The following GRIN2A variants were observed in gnomAD, a reference collection of about 807,000 sequenced individuals.
The protein encoded by GRIN2A is glutamate ionotropic receptor NMDA type subunit 2A, also known as glutamate receptor ionotropic, NMDA 2A.
In GRIN2A, 22 loss-of-function variants were observed where a neutral mutation model predicts 113.4. That is an observed-to-expected ratio of 0.19 (90% confidence interval 0.14 to 0.28). GRIN2A has a LOEUF of 0.28. Among genes scored for constraint, GRIN2A ranks in the 10% least tolerant of loss-of-function variants. GRIN2A has a pLI of 1.00. For missense variants in GRIN2A, 1,502 were observed against 1,887.0 expected (o/e 0.80, Z 3.78); for synonymous variants, 827 against 738.4 (o/e 1.12, Z -1.94).
intron 2 of GRIN2A, among the ~76,000 whole-genome samples, chr16:10,060,401 A>T (rs2047531166): frequency 6.6e-6 from 1 of 152,200 alleles, no homozygotes; most frequent in African/African-American, 2.4e-5. Flanking sequence ...ATAGATAAGA[A>T]AATTAAGGCT....
intron 8 of GRIN2A, among the ~76,000 whole-genome samples, chr16:9,830,774 A>G (rs2042478157): frequency 2.0e-5 from 3 of 152,228 alleles, no homozygotes; most frequent in African/African-American, 7.2e-5. Flanking sequence ...GACACAACCC[A>G]TTAAAGAGAA....
chr16:9,968,033 T>C (rs2045589979), intron 2 of GRIN2A, among the ~76,000 whole-genome samples: 1 of 152,220 alleles, frequency 6.6e-6, no homozygotes, highest in Admixed American at 6.5e-5. Context: ...CCCCATCTAT[T>C]ATCTCACGTA....
At chr16:9,939,435 A>T (rs1336926746) in intron 2 of GRIN2A, among the ~76,000 whole-genome samples, 1 of 152,170 alleles carries the variant, frequency 6.6e-6, no homozygotes, top group East Asian at 1.9e-4. Flanking sequence ...AGAGTCACTG[A>T]ATGCTCTCAC....
intron 2 of GRIN2A, among the ~76,000 whole-genome samples, chr16:10,034,710 G>A (rs965380889): frequency 2.0e-5 from 3 of 152,100 alleles, no homozygotes; most frequent in Middle Eastern, 3.4e-3. Context: ...GAGACTTACT[G>A]GTCCTTGGCT....
intron 2 of GRIN2A, among the ~76,000 whole-genome samples, chr16:9,957,456 T>A (rs1000550098): frequency 2.6e-5 from 4 of 152,178 alleles, no homozygotes; most frequent in African/African-American, 9.7e-5. Flanking sequence ...GTGGTACCTT[T>A]AATAAACTTT....
chr16:9,954,588 C>T (rs1299079152), intron 2 of GRIN2A, among the ~76,000 whole-genome samples: 2 of 152,162 alleles, frequency 1.3e-5, no homozygotes, highest in African/African-American at 2.4e-5. Context: ...GAGTCCTTTT[C>T]TAAAGCTCAC....
At chr16:9,866,268 T>A (rs925685150) in intron 4 of GRIN2A, among the ~76,000 whole-genome samples, 3 of 152,100 alleles carry the variant, frequency 2.0e-5, no homozygotes, top group African/African-American at 7.2e-5. Context: ...AAGGAAGAAA[T>A]CATGAAGGAG....
At chr16:9,882,673 G>A (rs754833266) in intron 4 of GRIN2A, among the ~76,000 whole-genome samples, 1 of 152,132 alleles carries the variant, frequency 6.6e-6, no homozygotes, top group Non-Finnish European at 1.5e-5. Flanking sequence ...TGTGTCCCCA[G>A]CTACTTGGGA....
In GRIN2A at chr16:10,180,202, T is replaced by A; in HGVS notation, c.210A>T (p.Val70=). 6.2e-7 allele frequency: 1 copy of A among 1,614,152 alleles called. No individual in the cohort carries two copies. Among genetic ancestry groups the A allele is most frequent in the Non-Finnish European group, 8.5e-7 (1 of 1,180,038 alleles). ...GGTCGGTGCGGTTCATCAGCAGAGCTACCACGTTCACGTCCAGGGGCAGCC... is the reference window on the plus strand; with the variant it reads ...GGTCGGTGCGGTTCATCAGCAGAGCAACCACGTTCACGTCCAGGGGCAGCC... The part of the protein sequence containing the change: ...AAGLPLDVNV[V]ALLMNRTDPK... The change falls in exon 2 of 13, where the codon GTA becomes GTT. Residue 70 remains valine, a synonymous_variant. Coordinates refer to ENST00000330684, the MANE Select transcript of GRIN2A (RefSeq NM_001134407.3). This position sits in a 1 kb window ranked among gnomAD's most constrained non-coding sequence, Gnocchi z 7.0.
chr16:9,917,713 A>G (rs749533463), intron 3 of GRIN2A, among the ~76,000 whole-genome samples: 1 of 152,214 alleles, frequency 6.6e-6, no homozygotes, highest in East Asian at 1.9e-4. Context: ...CTTCCTTTGG[A>G]AAGACATGGT....
At chr16:10,033,411 A>T (rs888891713) in intron 2 of GRIN2A, among the ~76,000 whole-genome samples, 1 of 152,320 alleles carries the variant, frequency 6.6e-6, no homozygotes, top group Non-Finnish European at 1.5e-5. Context: ...CACTAAACAC[A>T]ACAACAAGCA....
intron 11 of GRIN2A, among the ~76,000 whole-genome samples, chr16:9,775,335 C>A (rs1381200333): frequency 6.6e-6 from 1 of 152,126 alleles, no homozygotes; most frequent in Non-Finnish European, 1.5e-5. Context: ...GAAGCTGTTG[C>A]TTTTTGGTTT....
At chr16:10,129,183 G>A (rs543476862) in intron 2 of GRIN2A, among the ~76,000 whole-genome samples, 22 of 151,936 alleles carry the variant, frequency 1.4e-4, no homozygotes, top group Non-Finnish European at 1.5e-4. Context: ...TCAAGTGATC[G>A]TCCTACCTCA....
At chr16:9,971,821 A>C (rs746980686) in intron 2 of GRIN2A, among the ~76,000 whole-genome samples, 4 of 152,208 alleles carry the variant, frequency 2.6e-5, no homozygotes, top group Non-Finnish European at 5.9e-5. Flanking sequence ...AAGGAAAAAA[A>C]AAATATACCT....
rs539786349 is a variant in GRIN2A, at chr16:9,948,867, C to A, written c.415-10316G>T. Among the ~76,000 whole-genome samples the A allele has an allele frequency of 8.5e-5, 13 of 152,302 alleles. No individual in the cohort carries two copies. In the South Asian group the frequency reaches 2.7e-3, roughly 32 times the overall value. ...ATGACCCCAGGGTATGCATAGCCAC[C>A]CTTCTCTGCATGCCAGCGCTGCAGC... On this transcript the variant is annotated intron_variant, in intron 2 of 12. Transcript: ENST00000330684.
At chr16:10,123,496 G>C (rs897591305) in intron 2 of GRIN2A, among the ~76,000 whole-genome samples, 2 of 152,144 alleles carry the variant, frequency 1.3e-5, no homozygotes, top group Non-Finnish European at 2.9e-5. Context: ...TTGTTTCTAA[G>C]AACACTGATG....
intron 11 of GRIN2A, among the ~76,000 whole-genome samples, chr16:9,786,688 C>T (rs889805499): frequency 2.0e-5 from 3 of 152,120 alleles, no homozygotes; most frequent in Admixed American, 1.3e-4. Flanking sequence ...AAGATTAAAG[C>T]AAAGATCCTG....
chr16:9,821,499 T>G (rs1264985878), intron 10 of GRIN2A, among the ~76,000 whole-genome samples: 8 of 152,176 alleles, frequency 5.3e-5, no homozygotes, highest in African/African-American at 1.9e-4. Flanking sequence ...ACAATGGACT[T>G]TTCAGAAGAG....
At chr16:10,092,643 G>A (rs2142085574) in intron 2 of GRIN2A, among the ~76,000 whole-genome samples, 1 of 152,168 alleles carries the variant, frequency 6.6e-6, no homozygotes, top group South Asian at 2.1e-4. Flanking sequence ...ACAACTCTAT[G>A]AGGTCAGTTC....
Sources: gnomAD v4.1 joint callset for allele counts (sites outside exome capture counted in the v4.1 genomes callset) on GRCh38, gnomAD v4.1.1 for gene constraint, Gnocchi (gnomAD v3.1) non-coding constraint, MANE v1.5 for transcripts, NCBI Gene and HGNC (gene_info 2026-07-23, HGNC 2026-07-21) for gene names.